ASTN2: variants seen among roughly 807,000 people sequenced by gnomAD.
ASTN2 encodes astrotactin 2.
Under a neutral mutation model 139.8 loss-of-function variants are expected in ASTN2, and 54 were observed. The observed-to-expected ratio is 0.39, with a 90% CI of 0.31 to 0.48. ASTN2 has a LOEUF of 0.48. ASTN2 is among the 20% of genes least tolerant of loss of function. The pLI is 0.95. For synonymous variants in ASTN2, 756 were observed against 719.5 expected (o/e 1.05, Z -0.81); for missense variants, 1,565 against 1,725.1 (o/e 0.91, Z 1.64).
intron 1 of ASTN2, among the ~76,000 whole-genome samples, chr9:117,392,101 A>G (rs1830557702): frequency 1.3e-5 from 2 of 152,294 alleles, no homozygotes; most frequent in South Asian, 2.1e-4. Context: ...ACATGTTTAT[A>G]AAGTCATTCT....
intron 2 of ASTN2, among the ~76,000 whole-genome samples, chr9:117,270,107 C>T (rs16934443): frequency 0.049 from 7,383 of 152,120 alleles, 628 homozygotes; most frequent in African/African-American, 0.17. Context: ...ACTAGCTGTG[C>T]GAGTTTGAAG....
chr9:116,891,967 GTAGTGTT>G (rs1316654803), intron 10 of ASTN2, among the ~76,000 whole-genome samples: 1 of 152,180 alleles, frequency 6.6e-6, no homozygotes, highest in Non-Finnish European at 1.5e-5. Flanking sequence ...GGAAAACCCT[GTAGTGTT>G]TAGCATATAT....
Position 116,439,194 on chromosome 9 carries a change from A to ATTTTTTTTTTTTTTTTTTTTTTTT in ASTN2, c.3782+1391_3782+1414dup, listed in dbSNP as rs1016270368. Among the ~76,000 whole-genome samples, 4 of 56,726 alleles carry ATTTTTTTTTTTTTTTTTTTTTTTT rather than the reference A, an allele frequency of 7.1e-5. 1 individual carries two copies. Among genetic ancestry groups the ATTTTTTTTTTTTTTTTTTTTTTTT allele is most frequent in the East Asian group, 1.5e-3 (2 of 1,310 alleles). The allele number at this position is 56,726 out of a possible 152,430, so 37.2% of individuals were successfully genotyped here. On this transcript the variant is annotated intron_variant, in intron 22 of 22. Coordinates refer to ENST00000313400, the MANE Select transcript of ASTN2 (RefSeq NM_001365068.1). ...GATGTTGTGTTTTCTATTCAAATACATTTTTTTTTTTTTTTTTTTTTTTTG... is the reference window on the plus strand; with the variant it reads ...GATGTTGTGTTTTCTATTCAAATACATTTTTTTTTTTTTTTTTTTTTTTTTTTTTTTTTTTTTTTTTTTTTTTTG...
chr9:116,680,059 C>T (rs1859751595), intron 16 of ASTN2, among the ~76,000 whole-genome samples: 1 of 151,946 alleles, frequency 6.6e-6, no homozygotes, highest in Non-Finnish European at 1.5e-5. Flanking sequence ...CACAAAAAAC[C>T]CTTCAAAAAA....
chr9:116,563,376 A>AAAAAATAAAAAT (rs201744424), intron 19 of ASTN2, among the ~76,000 whole-genome samples: 173 of 111,654 alleles, frequency 1.5e-3, no homozygotes, highest in African/African-American at 5.3e-3. Context: ...CTCTGTCTCA[A>AAAAAATAAAAAT]AAAAATAAAA....
At chr9:116,511,103 A>AT (rs1287704399) in intron 19 of ASTN2, among the ~76,000 whole-genome samples, 1 of 152,038 alleles carries the variant, frequency 6.6e-6, no homozygotes, top group Non-Finnish European at 1.5e-5. Flanking sequence ...GAATGCTTCC[A>AT]TTTTTTGCCC....
intron 10 of ASTN2, among the ~76,000 whole-genome samples, chr9:116,890,840 C>T (rs552124965): frequency 6.6e-5 from 10 of 152,096 alleles, no homozygotes; most frequent in African/African-American, 1.9e-4. Flanking sequence ...AACTCAGCAC[C>T]GCCTGAGGCA....
At chr9:116,920,229 C>T (rs991149763) in intron 10 of ASTN2, among the ~76,000 whole-genome samples, 6 of 152,294 alleles carry the variant, frequency 3.9e-5, no homozygotes, top group East Asian at 1.9e-4. Context: ...TCAGAAGCAG[C>T]CCCTCTCCCT....
intron 19 of ASTN2, among the ~76,000 whole-genome samples, chr9:116,533,289 A>C (rs1210692744): frequency 6.6e-6 from 1 of 152,212 alleles, no homozygotes; most frequent in Non-Finnish European, 1.5e-5. Flanking sequence ...CTAAATATAC[A>C]ATCATGTCAT....
intron 2 of ASTN2, among the ~76,000 whole-genome samples, chr9:117,228,156 C>G (rs1312191848): frequency 1.3e-5 from 2 of 151,978 alleles, no homozygotes; most frequent in Non-Finnish European, 2.9e-5. Flanking sequence ...CATTGATAAT[C>G]ATGTTTTTAA....
intron 1 of ASTN2, among the ~76,000 whole-genome samples, chr9:117,412,724 G>A (rs1453539847): frequency 2.0e-5 from 3 of 152,328 alleles, no homozygotes; most frequent in Non-Finnish European, 4.4e-5. Flanking sequence ...GTACCCCGGA[G>A]TAGAGAGATC....
rs565745494 is a variant in ASTN2 at position 116,602,133 on chromosome 9, G to A, written c.3355+16191C>T. The stretch of plus-strand genomic sequence containing the variant: ...AAGTTTATGACCCAAAAATGTCACT[G>A]GATTTAATGACATAGAGTTCACAAA... On this transcript the variant is annotated intron_variant, in intron 19 of 22. Transcript: ENST00000313400. Among the ~76,000 whole-genome samples the A allele has an allele frequency of 9.5e-4, 145 of 152,298 alleles. No individual in the cohort carries two copies. In the South Asian group the frequency reaches 0.024, roughly 25 times the overall value.
At chr9:116,871,210 A>G (rs1429612736) in intron 10 of ASTN2, among the ~76,000 whole-genome samples, 1 of 152,226 alleles carries the variant, frequency 6.6e-6, no homozygotes, top group Non-Finnish European at 1.5e-5. Flanking sequence ...GTGAGCCGAG[A>G]TCGTGCCACG....
chr9:117,101,686 A>T (rs2132765378), intron 4 of ASTN2, among the ~76,000 whole-genome samples: 1 of 152,308 alleles, frequency 6.6e-6, no homozygotes, highest in East Asian at 1.9e-4. Context: ...AAATATTCAG[A>T]ATCTCACTGT....
chr9:116,826,707 C>T (rs1453265817), intron 11 of ASTN2, among the ~76,000 whole-genome samples: 1 of 152,140 alleles, frequency 6.6e-6, no homozygotes, highest in Non-Finnish European at 1.5e-5. Flanking sequence ...AGCAAGCCAA[C>T]TAATGGCCCA....
At position 116,859,677 on chromosome 9, in the gene ASTN2, T is replaced by C. The variant is rs553661692; in HGVS notation, c.2040+3906A>G. Among the ~76,000 whole-genome samples the C allele has an allele frequency of 3.3e-5, 5 of 152,298 alleles. No individual in the cohort carries two copies. In the East Asian group the frequency reaches 9.7e-4, roughly 29 times the overall value. The stretch of plus-strand genomic sequence containing the variant: ...CTAAAAGGGGTCCCATCCTCTATCC[T>C]TACCAGGCTACGCCCATGAGTGTAT... On this transcript the variant is annotated intron_variant, in intron 11 of 22. Coordinates refer to ENST00000313400, the MANE Select transcript of ASTN2 (RefSeq NM_001365068.1).
chr9:116,709,449 A>T (rs2132092968), intron 16 of ASTN2, among the ~76,000 whole-genome samples: 1 of 152,318 alleles, frequency 6.6e-6, no homozygotes, highest in East Asian at 1.9e-4. Context: ...ATCCCTGATA[A>T]TGAAACAGGA....
chr9:117,394,804 G>A (rs7047116), intron 1 of ASTN2, among the ~76,000 whole-genome samples: 53,458 of 152,012 alleles, frequency 0.35, 10,084 homozygotes, highest in Non-Finnish European at 0.44. Flanking sequence ...GGGTCCTTAT[G>A]CAGAGGACTC....
Position 116,871,870 on chromosome 9 carries a change from G to A in ASTN2, c.1890-8137C>T, listed in dbSNP as rs77287243. Reference sequence around the variant, plus strand: ...GAGCCTTCTCAGCCCCTAATAGCATGAGCCACAGTGTAGAACAGTAGATAA... The same window carrying A: ...GAGCCTTCTCAGCCCCTAATAGCATAAGCCACAGTGTAGAACAGTAGATAA... On this transcript the variant is annotated intron_variant, in intron 10 of 22. Coordinates refer to ENST00000313400, the MANE Select transcript of ASTN2 (RefSeq NM_001365068.1). Among the ~76,000 whole-genome samples, 22 of 152,298 alleles carry A rather than the reference G, an allele frequency of 1.4e-4. No homozygotes were observed. In the East Asian group the frequency reaches 3.9e-3, roughly 27 times the overall value.
Sources: gnomAD v4.1 joint callset for allele counts (sites outside exome capture counted in the v4.1 genomes callset) on GRCh38, gnomAD v4.1.1 for gene constraint, MANE v1.5 for transcripts, NCBI Gene and HGNC (gene_info 2026-07-23, HGNC 2026-07-21) for gene names.